TRPV1: variants seen among roughly 807,000 people sequenced by gnomAD.
TRPV1 encodes OTRPC1.
TRPV1 carries 82 observed loss-of-function variants against 82.3 expected under a neutral mutation model. That is an observed-to-expected ratio of 1.00 (90% CI 0.83 to 1.20). TRPV1 has a LOEUF of 1.20. Among genes scored for constraint, TRPV1 ranks in the 50% most tolerant of loss-of-function variants. TRPV1 has a pLI of 0.00. For synonymous variants in TRPV1, 515 were observed against 467.7 expected (o/e 1.10, Z -1.30); for missense variants, 1,067 against 1,096.8 (o/e 0.97, Z 0.38).
At chr17:3,606,971 A>G (rs532825703) in intron 2 of TRPV1, among the ~76,000 whole-genome samples, 1 of 152,312 alleles carries the variant, frequency 6.6e-6, no homozygotes, top group African/African-American at 2.4e-5. Context: ...GGACGCTGGT[A>G]AACTCAGCCT....
At chr17:3,568,282 AC>A (rs1157226936) in intron 16 of TRPV1, among the ~76,000 whole-genome samples, 1 of 150,844 alleles carries the variant, frequency 6.6e-6, no homozygotes, top group Non-Finnish European at 1.5e-5. Context: ...AGATTGCGCC[AC>A]TGCACTCCAG....
In TRPV1 at chr17:3,566,849, A is replaced by G; in HGVS notation, c.2486T>C (p.Val829Ala). 6.2e-7 allele frequency: 1 copy of G among 1,613,896 alleles called. No individual in the cohort carries two copies. Among genetic ancestry groups the G allele is most frequent in the Non-Finnish European group, 8.5e-7 (1 of 1,179,880 alleles). The change falls in exon 17 of 17, where the codon GTC (valine) becomes GCC (alanine). Residue 829 changes from valine to alanine, a missense_variant. Coordinates refer to ENST00000572705, the MANE Select transcript of TRPV1 (RefSeq NM_080704.4). ...SGSLKPEDAE[V>A]FKSPAASGEK is the part of the protein sequence containing the mutation. ...CCCGGAAGCGGCAGGACTCTTGAAG[A>G]CCTCAGCGTCCTCTGGCTTCAGAGA...
chr17:3,577,692 G>T lies in TRPV1; in HGVS notation c.1619C>A (p.Ser540Tyr). 1 of 1,589,312 alleles carries T rather than the reference G, an allele frequency of 6.3e-7. No homozygotes were observed. The highest frequency in any genetic ancestry group is 8.6e-7 in the Non-Finnish European group (1 of 1,168,372). Residue 540 changes from serine (S) to tyrosine (Y), a missense_variant, in exon 12 of 17, where the codon TCC (serine) becomes TAC (tyrosine). Physicochemically the swap from Ser to Tyr is moderately radical, Grantham distance 144. Transcript: ENST00000572705. ...YFSHLKEYVASMVFSLALGWT... is the reference protein window; with the variant it reads ...YFSHLKEYVAYMVFSLALGWT... ...GCCCAAGGCCAGGGAGAATACCATG[G>T]AAGCCACATACTCCTTGAGGTGGCT... is the stretch of plus-strand genomic sequence containing the variant.
chr17:3,586,745 C>T (rs1490102704), intron 8 of TRPV1, among the ~76,000 whole-genome samples: 1 of 152,128 alleles, frequency 6.6e-6, no homozygotes, highest in Non-Finnish European at 1.5e-5. Context: ...GCACTCCAAC[C>T]TGGGTGACAG....
intron 2 of TRPV1, among the ~76,000 whole-genome samples, chr17:3,602,545 G>C (rs980768255): frequency 2.0e-5 from 3 of 152,192 alleles, no homozygotes; most frequent in Non-Finnish European, 4.4e-5. Context: ...GAGTAGAAAA[G>C]TTTTAATGAC....
At position 3,588,975 on chromosome 17, in the gene TRPV1, A is replaced by C. The variant is rs980761308; in HGVS notation, c.1045-608T>G. 16 of 1,530,698 alleles carry C rather than the reference A, an allele frequency of 1.0e-5. No individual in the cohort carries two copies. In the East Asian group the frequency reaches 3.4e-4, roughly 33 times the overall value. The allele number at this position is 1,530,698 out of a possible 1,614,324, so 94.8% of individuals were successfully genotyped here. On this transcript the variant is annotated intron_variant, in intron 7 of 16. Coordinates refer to ENST00000572705, the MANE Select transcript of TRPV1 (RefSeq NM_080704.4). The stretch of plus-strand genomic sequence containing the variant: ...TCCATTCTCGATAACCTCAAGCCAG[A>C]AAGAAAGAAAGAGAATGCAAGAAAT...
intron 2 of TRPV1, among the ~76,000 whole-genome samples, chr17:3,607,050 A>G (rs2075300089): frequency 6.6e-6 from 1 of 152,182 alleles, no homozygotes; most frequent in South Asian, 2.1e-4. Flanking sequence ...TGGCTGAAAG[A>G]AAAATTACAG....
In TRPV1 at chr17:3,585,830, C is replaced by A. The variant is rs1239547386; in HGVS notation, c.1321G>T (p.Val441Phe). 1 of 1,613,922 alleles carries A rather than the reference C, an allele frequency of 6.2e-7. No homozygotes were observed. Among genetic ancestry groups the A allele is most frequent in the South Asian group, 1.1e-5 (1 of 91,068 alleles). The change falls in exon 9 of 17, where the codon GTC becomes TTC. Residue 441 changes from valine to phenylalanine, a missense_variant. Physicochemically the swap from Val to Phe is conservative, Grantham distance 50. Coordinates refer to ENST00000572705, the MANE Select transcript of TRPV1 (RefSeq NM_080704.4). The part of the protein sequence containing the change: ...VKRIFYFNFL[V>F]YCLYMIIFTM... ...AAGATGATCATGTACAGGCAGTAGA[C>A]CAGGAAGTTGAAGTAGAAGATGCGC...
intron 2 of TRPV1, among the ~76,000 whole-genome samples, chr17:3,597,995 A>G (rs1479937664): frequency 2.0e-5 from 3 of 151,948 alleles, no homozygotes; most frequent in Non-Finnish European, 2.9e-5. Flanking sequence ...TTCTCTCTTC[A>G]CTTCATACCA....
chr17:3,590,238 C>T lies in TRPV1; in HGVS notation c.745+14G>A, dbSNP rs747834703. On this transcript the variant is annotated intron_variant, in intron 6 of 16. Coordinates refer to ENST00000572705, the MANE Select transcript of TRPV1 (RefSeq NM_080704.4). ...AAGCCAAAAAGATCAGGGTCTGCCACACTGTCTCCCTACCGAAGTAGAATC... is the reference window on the plus strand; with the variant it reads ...AAGCCAAAAAGATCAGGGTCTGCCATACTGTCTCCCTACCGAAGTAGAATC... The T allele has an allele frequency of 2.5e-5, 41 of 1,613,074 alleles. No individual in the cohort carries two copies. Among genetic ancestry groups the T allele is most frequent in the Admixed American group, 3.3e-5 (2 of 59,870 alleles).
At chr17:3,571,423 G>A (rs1057360756) in intron 16 of TRPV1, 101 bp downstream of exon 16, 10 of 920,726 alleles carry the variant, frequency 1.1e-5, no homozygotes, top group African/African-American at 9.8e-5. Context: ...GTCCTGGGGG[G>A]ATGAGGAACC....
rs199664124 is a variant in TRPV1, at chr17:3,591,371, C to G, written c.285-18G>C. The G allele has an allele frequency of 1.3e-6, 2 of 1,553,390 alleles. No individual in the cohort carries two copies. The highest frequency in any genetic ancestry group is 2.8e-5 in the African/African-American group (2 of 72,384). On this transcript the variant is annotated intron_variant, in intron 3 of 16. Coordinates refer to ENST00000572705, the MANE Select transcript of TRPV1 (RefSeq NM_080704.4). Reference sequence around the variant, plus strand: ...ACAGCAGCCTGTGGGCCAGAAAACACGCTCGTCTCATACCCTGGCCTCCCC... The same window carrying G: ...ACAGCAGCCTGTGGGCCAGAAAACAGGCTCGTCTCATACCCTGGCCTCCCC...
chr17:3,600,051 T>C (rs556488032), intron 2 of TRPV1, among the ~76,000 whole-genome samples: 2 of 152,344 alleles, frequency 1.3e-5, no homozygotes, highest in East Asian at 3.9e-4. Flanking sequence ...AGTGCTGCTA[T>C]GAACATAGGC....
intron 2 of TRPV1, among the ~76,000 whole-genome samples, chr17:3,595,348 G>A (rs758904583): frequency 6.6e-6 from 1 of 152,126 alleles, no homozygotes; most frequent in Non-Finnish European, 1.5e-5. Flanking sequence ...AGGCAGGCTG[G>A]CTCCAGAGCA....
At chr17:3,591,462 G>T (rs1171624676) in intron 3 of TRPV1, 109 bp from the exon 4 acceptor site, 6 of 1,323,304 alleles carry the variant, frequency 4.5e-6, no homozygotes, top group Non-Finnish European at 6.1e-6. Context: ...ACCAAAAAGG[G>T]GAAAAATGAT....
chr17:3,598,333 G>A (rs1288556863), intron 2 of TRPV1, among the ~76,000 whole-genome samples: 1 of 152,144 alleles, frequency 6.6e-6, no homozygotes, highest in Non-Finnish European at 1.5e-5. Context: ...CATCAATTCC[G>A]CACAGCAGTT....
intron 12 of TRPV1, 67 bp downstream of exon 12, chr17:3,577,531 G>T: frequency 2.0e-6 from 3 of 1,510,874 alleles, no homozygotes; most frequent in Non-Finnish European, 1.8e-6. Context: ...GGAGTTCTTG[G>T]CCCCATCTCA....
chr17:3,572,145 C>G lies in TRPV1; in HGVS notation c.2208G>C (p.Lys736Asn), dbSNP rs768890656. The change falls in exon 15 of 17, where the codon AAG (lysine) becomes AAC (asparagine). Residue 736 changes from lysine to asparagine, a missense_variant. By Grantham distance (94) the Lys-to-Asn change is moderately conservative. Coordinates refer to ENST00000572705, the MANE Select transcript of TRPV1 (RefSeq NM_080704.4). The stretch of plus-strand genomic sequence containing the variant: ...ACCTGAAGCACCACCGGTAGTCGTC[C>G]TTGCCATCAGGTGTGTACCCCACCT... ...LLQVGYTPDGKDDYRWCFRVD... is the reference protein window; with the variant it reads ...LLQVGYTPDGNDDYRWCFRVD... 1 of 1,613,460 alleles carries G rather than the reference C, an allele frequency of 6.2e-7. No individual in the cohort carries two copies. Among genetic ancestry groups the G allele is most frequent in the Non-Finnish European group, 8.5e-7 (1 of 1,179,680 alleles).
intron 14 of TRPV1, among the ~76,000 whole-genome samples, chr17:3,572,648 T>C (rs947684503): frequency 6.8e-6 from 1 of 147,632 alleles, no homozygotes; most frequent in Admixed American, 7.0e-5. Context: ...TGAGCACAGA[T>C]ACCTAACTTC....
Sources: allele counts gnomAD v4.1 joint callset (sites outside exome capture counted in the v4.1 genomes callset), GRCh38; gene constraint gnomAD v4.1.1; transcripts MANE v1.5; gene names NCBI Gene and HGNC (gene_info 2026-07-23, HGNC 2026-07-21).